Variants in MCM8 observed in about 807,000 individuals in gnomAD.
MCM8 encodes minichromosome maintenance 8 homologous recombination repair factor, also known as DNA helicase MCM8.
MCM8 carries 85 observed loss-of-function variants against 98.9 expected under a neutral mutation model. The ratio of observed to expected loss-of-function variants is 0.86; its 90% CI spans 0.72 to 1.03. The LOEUF is 1.03. MCM8 is among the 50% of genes least tolerant of loss of function. The pLI, the probability that MCM8 is intolerant of heterozygous loss-of-function variation, is 0.00. For synonymous variants in MCM8, 352 were observed against 338.6 expected, an observed-to-expected ratio of 1.04 and a Z score of -0.44; for missense variants, 951 against 997.8, an observed-to-expected ratio of 0.95 and a Z score of 0.63.
chr20:5,950,686 A>C lies in MCM8; in HGVS notation c.-343A>C, dbSNP rs1387850864. The C allele has an allele frequency of 1.7e-5, 6 of 359,292 alleles. No homozygotes were observed. The East Asian group carries it at 2.8e-4, about 17-fold the overall frequency. The allele number at this position is 359,292 out of a possible 1,614,324, so 22.3% of individuals were successfully genotyped here. ...GAAGTTGGATCACTGAAGCGCCAAA[A>C]AAGAATTTAGGGGAAGACCTGATTT... On this transcript the variant is annotated 5_prime_UTR_variant, in exon 1 of 19. Coordinates refer to ENST00000610722, the MANE Select transcript of MCM8 (RefSeq NM_032485.6).
intron 17 of MCM8, among the ~76,000 whole-genome samples, chr20:5,989,314 C>T (rs2089798660): frequency 2.0e-5 from 3 of 151,940 alleles, no homozygotes; most frequent in Non-Finnish European, 2.9e-5. Context: ...TGGGGTTTCA[C>T]CATGTTGGCC....
chr20:5,951,480 C>A (rs1190935391), intron 1 of MCM8, among the ~76,000 whole-genome samples: 1 of 152,128 alleles, frequency 6.6e-6, no homozygotes, highest in Non-Finnish European at 1.5e-5. Context: ...GGATATGAAT[C>A]ATTTTTAAGT....
At position 5,985,969 on chromosome 20, in the gene MCM8, A is replaced by G; in HGVS notation, c.2001A>G (p.Arg667=). The change falls in exon 16 of 19, where the codon AGA becomes AGG. Residue 667 remains arginine (R), a synonymous_variant. Transcript: ENST00000610722. ...ATCCCATTCCCCACCAGCTATTGAG[A>G]AAGTACATTGGCTATGCTCGGCAGT... ...TIDPIPHQLL[R]KYIGYARQYV... 7.4e-6 allele frequency: 12 copies of G among 1,614,222 alleles called. No homozygotes were observed. The highest frequency in any genetic ancestry group is 1.0e-5 in the Non-Finnish European group (12 of 1,180,032).
chr20:5,973,523 T>A (rs2089447422), intron 12 of MCM8, among the ~76,000 whole-genome samples: 1 of 152,232 alleles, frequency 6.6e-6, no homozygotes, highest in Non-Finnish European at 1.5e-5. Flanking sequence ...ACAGAATAGT[T>A]CAGGGGAGTT....
chr20:5,953,369 T>G lies in MCM8; in HGVS notation c.253+841T>G, dbSNP rs555037437. ...GAATACCAATTAACCTACATCAGTC[T>G]GTATAGGTGCAGGGAACTGTCTTTT... On this transcript the variant is annotated intron_variant, in intron 3 of 18. Coordinates refer to ENST00000610722, the MANE Select transcript of MCM8 (RefSeq NM_032485.6). Among the ~76,000 whole-genome samples, 5 of 152,268 alleles carry G rather than the reference T, an allele frequency of 3.3e-5. No individual in the cohort carries two copies. In the East Asian group the frequency reaches 9.6e-4, roughly 29 times the overall value.
chr20:5,983,234 G>C, intron 14 of MCM8, 69 bp downstream of exon 14: 1 of 1,325,852 alleles, frequency 7.5e-7, no homozygotes, highest in Non-Finnish European at 1.0e-6. Flanking sequence ...AAAAGAAATA[G>C]TTCACAGAAC....
chr20:5,993,819 A>G (rs1568603551), intron 18 of MCM8, 124 bp downstream of exon 18: 1 of 737,556 alleles, frequency 1.4e-6, no homozygotes, highest in Non-Finnish European at 2.1e-6. Context: ...GGTTTTCAGC[A>G]TCTTGATAGT....
Position 5,963,406 on chromosome 20 carries a change from C to G in MCM8, c.875+47C>G, listed in dbSNP as rs780258846. 5.0e-6 allele frequency: 7 copies of G among 1,394,450 alleles called. No individual in the cohort carries two copies. The East Asian group carries it at 6.8e-5, about 14-fold the overall frequency. 86.4% of individuals were successfully genotyped at this position (1,394,450 alleles called of 1,614,324 possible). A position where few individuals can be genotyped will look rare whatever the true frequency, so the allele number is the denominator to read the frequency against. The stretch of plus-strand genomic sequence containing the variant: ...TAAAAGGCAGGCTTTAGATGTCACA[C>G]TGTTGAGAAAATCCATAATTTTACT... On this transcript the variant is annotated intron_variant, in intron 8 of 18. Transcript: ENST00000610722.
chr20:5,978,138 A>C, intron 13 of MCM8, 121 bp downstream of exon 13: 2 of 1,053,226 alleles, frequency 1.9e-6, no homozygotes, highest in South Asian at 3.3e-5. Context: ...CCTAACCAGT[A>C]AGTTGACACT....
chr20:5,956,465 GC>G (rs1363330523), intron 5 of MCM8, among the ~76,000 whole-genome samples: 1 of 151,950 alleles, frequency 6.6e-6, no homozygotes, highest in Non-Finnish European at 1.5e-5. Flanking sequence ...TGCTCTTGTT[GC>G]CCAGGCTGGA....
At chr20:5,967,803 A>G in intron 9 of MCM8, 27 bp from the exon 10 acceptor site, 1 of 1,551,900 alleles carries the variant, frequency 6.4e-7, no homozygotes, top group South Asian at 1.2e-5. Flanking sequence ...AATACCAACT[A>G]TTGTATTTAA....
At chr20:5,983,787 C>T (rs765051842) in intron 14 of MCM8, among the ~76,000 whole-genome samples, 2 of 152,132 alleles carry the variant, frequency 1.3e-5, no homozygotes, top group Non-Finnish European at 2.9e-5. Context: ...ATTCTAAATG[C>T]ACATTCTGTT....
chr20:5,958,415 G>A (rs755050638), intron 6 of MCM8, 113 bp from the exon 7 acceptor site: 28 of 759,668 alleles, frequency 3.7e-5, no homozygotes, highest in Non-Finnish European at 5.7e-5. Flanking sequence ...TGATATTTCT[G>A]ATATATCGAA....
At chr20:5,974,751 A>G (rs980625396) in intron 12 of MCM8, among the ~76,000 whole-genome samples, 2 of 152,182 alleles carry the variant, frequency 1.3e-5, no homozygotes. Flanking sequence ...TGTCCTTCAT[A>G]TCTGAGTCAT....
At chr20:5,974,419 T>G (rs533043468) in intron 12 of MCM8, among the ~76,000 whole-genome samples, 55 of 152,202 alleles carry the variant, frequency 3.6e-4, no homozygotes, top group Non-Finnish European at 6.9e-4. Flanking sequence ...TGAACCACTG[T>G]GCTTGGCCAC....
At chr20:5,979,907 C>T (rs1658642960) in intron 13 of MCM8, among the ~76,000 whole-genome samples, 1 of 152,166 alleles carries the variant, frequency 6.6e-6, no homozygotes, top group Admixed American at 6.5e-5. Context: ...CATGTTCTGG[C>T]CTTTCACCTC....
chr20:5,979,088 C>T (rs1014903848), intron 13 of MCM8, among the ~76,000 whole-genome samples: 2 of 152,174 alleles, frequency 1.3e-5, no homozygotes, highest in Admixed American at 6.5e-5. Flanking sequence ...CAGTTAAGGT[C>T]GTTCATTCCT....
chr20:5,954,518 C>T (rs557883631), intron 3 of MCM8, 90 bp from the exon 4 acceptor site: 46 of 583,526 alleles, frequency 7.9e-5, no homozygotes, highest in African/African-American at 7.8e-4. Context: ...AAAAAATCAT[C>T]TACCATGTAT....
intron 13 of MCM8, among the ~76,000 whole-genome samples, chr20:5,981,454 T>C (rs1233490573): frequency 1.3e-5 from 2 of 152,124 alleles, no homozygotes; most frequent in South Asian, 4.1e-4. Context: ...GGGTGAACTC[T>C]CAGAAGAGAT....
Sources: gnomAD v4.1 joint callset for allele counts (sites outside exome capture counted in the v4.1 genomes callset) on GRCh38, gnomAD v4.1.1 for gene constraint, MANE v1.5 for transcripts, NCBI Gene and HGNC (gene_info 2026-07-23, HGNC 2026-07-21) for gene names.